GPHN: variants seen among roughly 807,000 people sequenced by gnomAD.
GPHN encodes the protein gephyrin.
A neutral mutation model predicts 95.5 loss-of-function variants in GPHN; 17 were observed. The observed-to-expected ratio is 0.18, with a 90% confidence interval of 0.12 to 0.27. The LOEUF is 0.27. Ranked by LOEUF, GPHN falls within the 10% of genes least tolerant of loss-of-function variation. The pLI, the probability that GPHN is intolerant of heterozygous loss-of-function variation, is 1.00. For missense variants in GPHN, 660 were observed against 978.1 expected (o/e 0.67, Z 4.34); for synonymous variants, 320 against 322.5 (o/e 0.99, Z 0.08).
chr14:66,751,630 G>T (rs980248442), intron 2 of GPHN, among the ~76,000 whole-genome samples: 2 of 151,832 alleles, frequency 1.3e-5, no homozygotes, highest in East Asian at 1.9e-4. Context: ...ATTTTCTCCC[G>T]TTCTGTAGGT....
At chr14:67,102,071 A>T (rs1243704273) in intron 13 of GPHN, among the ~76,000 whole-genome samples, 2 of 151,444 alleles carry the variant, frequency 1.3e-5, no homozygotes, top group African/African-American at 4.8e-5. Flanking sequence ...AGGGGATTTC[A>T]CCATGTTAGC....
Position 67,089,068 on chromosome 14 carries a change from T to C in GPHN, c.1230T>C (p.Ala410=). The C allele has an allele frequency of 6.6e-7, 1 of 1,526,476 alleles. No individual in the cohort carries two copies. The highest frequency in any genetic ancestry group is 9.1e-7 in the Non-Finnish European group (1 of 1,100,490). 94.6% of individuals were successfully genotyped at this position (1,526,476 alleles called of 1,614,324 possible). A position where few individuals can be genotyped will look rare whatever the true frequency, so the allele number is the denominator to read the frequency against. ...PFPASVKDGY[A]VRAADGPGDR... ...CAGCATCAGTAAAAGATGGCTATGC[T>C]GTCCGAGGTAAATATTTTGGTTTTC... The change falls in exon 12 of 23, where the codon GCT becomes GCC. Residue 410 remains alanine (A), a synonymous_variant. Coordinates refer to ENST00000478722, the MANE Select transcript of GPHN (RefSeq NM_020806.5).
chr14:67,729,557 T>G, the GPHN span: 3 of 676,532 alleles, frequency 4.4e-6, no homozygotes, highest in Non-Finnish European at 7.9e-6. Flanking sequence ...CAAACTTATG[T>G]GTTGGGAAGA....
the GPHN span, chr14:67,320,243 G>C: frequency 6.2e-7 from 1 of 1,606,734 alleles, no homozygotes; most frequent in Non-Finnish European, 8.5e-7. Flanking sequence ...ATGACAACGA[G>C]GAGATCTTAA....
chr14:66,636,539 T>C (rs1053298586), intron 1 of GPHN, among the ~76,000 whole-genome samples: 10 of 152,260 alleles, frequency 6.6e-5, no homozygotes, highest in African/African-American at 2.4e-4. Context: ...TATAATATTT[T>C]ACTGACTGAA....
At chr14:66,712,200 CCCA>C (rs1160546512) in intron 2 of GPHN, among the ~76,000 whole-genome samples, 6 of 152,310 alleles carry the variant, frequency 3.9e-5, no homozygotes, top group East Asian at 1.9e-4. Context: ...AATTTACACT[CCCA>C]CCAACAGTGT....
At chr14:67,397,900 G>T in the GPHN span, 2 of 1,231,316 alleles carry the variant, frequency 1.6e-6, no homozygotes, top group Non-Finnish European at 2.3e-6. Context: ...GGGGTGTCTG[G>T]TGGCACAAGT....
chr14:67,459,206 A>AT, the GPHN span, among the ~76,000 whole-genome samples: 11 of 150,950 alleles, frequency 7.3e-5, no homozygotes, highest in South Asian at 2.1e-4. Context: ...AATTTTTTAA[A>AT]TTTTTTTTGT....
rs111545066 is a variant in GPHN at position 66,927,178 on chromosome 14, G to A, written c.828+2886G>A. On this transcript the variant is annotated intron_variant, in intron 8 of 22. Coordinates refer to ENST00000478722, the MANE Select transcript of GPHN (RefSeq NM_020806.5). ...AGCCTAACCGACAAGGTGAAACCCC[G>A]TCTCTACTAAAAATACAAAAATTAG... Among the ~76,000 whole-genome samples, 472 of 151,934 alleles carry A rather than the reference G, an allele frequency of 3.1e-3. 11 individuals carry two copies. Among genetic ancestry groups the A allele is most frequent in the African/African-American group, 0.011 (446 of 41,422 alleles).
At chr14:67,223,350 G>T in the GPHN span, among the ~76,000 whole-genome samples, 1 of 152,202 alleles carries the variant, frequency 6.6e-6, no homozygotes, top group Admixed American at 6.5e-5. Flanking sequence ...ACTGTAATGT[G>T]GTTAGGCCTA....
At chr14:66,908,507 A>G (rs2065498678) in intron 5 of GPHN, among the ~76,000 whole-genome samples, 2 of 152,132 alleles carry the variant, frequency 1.3e-5, no homozygotes, top group African/African-American at 2.4e-5. Flanking sequence ...TCCTGTGCAT[A>G]TAATTTCCAA....
chr14:67,120,177 A>C (rs1183371713), intron 16 of GPHN, among the ~76,000 whole-genome samples: 1 of 152,050 alleles, frequency 6.6e-6, no homozygotes, highest in Non-Finnish European at 1.5e-5. Flanking sequence ...ATAATACCAA[A>C]AATGGGAAAT....
chr14:67,189,060 T>A, the GPHN span, among the ~76,000 whole-genome samples: 1 of 152,148 alleles, frequency 6.6e-6, no homozygotes, highest in African/African-American at 2.4e-5. Context: ...TCACAGAGGC[T>A]CAAAGTGCCT....
At chr14:67,324,253 T>A in the GPHN span, among the ~76,000 whole-genome samples, 677 of 152,340 alleles carry the variant, frequency 4.4e-3, 18 homozygotes, top group East Asian at 0.059. Context: ...AAAATTTTTT[T>A]AAATTATTTT....
chr14:67,398,188 A>C, the GPHN span: 1 of 167,532 alleles, frequency 6.0e-6, no homozygotes, highest in Non-Finnish European at 1.3e-5. Flanking sequence ...TAAAAAAATT[A>C]AGATTATTTT....
the GPHN span, among the ~76,000 whole-genome samples, chr14:67,550,158 T>TA: frequency 1.1e-3 from 162 of 145,182 alleles, no homozygotes; most frequent in South Asian, 8.2e-3. Context: ...GATCTGTTGC[T>TA]AAAAAAAAAA....
chr14:67,179,463 A>G (rs1464056030), intron 21 of GPHN, 115 bp from the exon 22 acceptor site: 3 of 716,158 alleles, frequency 4.2e-6, no homozygotes, highest in Non-Finnish European at 7.8e-6. Context: ...GCAACGACAG[A>G]ATACCAAGGT....
chr14:67,225,193 A>C, the GPHN span: 1 of 1,559,084 alleles, frequency 6.4e-7, no homozygotes, highest in South Asian at 1.2e-5. Context: ...TTCTCAAGGG[A>C]ATGAATGTGA....
chr14:66,932,466 T>G (rs955567222), intron 8 of GPHN, among the ~76,000 whole-genome samples: 14 of 134,412 alleles, frequency 1.0e-4, no homozygotes, highest in South Asian at 2.7e-4. Flanking sequence ...TTTTTTTTTT[T>G]TTTTTTTTTT....
Sources: allele counts gnomAD v4.1 joint callset (sites outside exome capture counted in the v4.1 genomes callset), GRCh38; gene constraint gnomAD v4.1.1; transcripts MANE v1.5; gene names NCBI Gene and HGNC (gene_info 2026-07-23, HGNC 2026-07-21).